The following EPS15 variants were observed in gnomAD, a reference collection of about 807,000 sequenced individuals.
The protein encoded by EPS15 is epidermal growth factor receptor pathway substrate 15, also known as epidermal growth factor receptor substrate 15.
A neutral mutation model predicts 113.8 loss-of-function variants in EPS15; 72 were observed. The ratio of observed to expected loss-of-function variants is 0.63; its 90% confidence interval spans 0.52 to 0.77. EPS15 has a LOEUF of 0.77. Ranked by LOEUF, EPS15 falls within the 30% of genes least tolerant of loss-of-function variation. The pLI, the probability that EPS15 is intolerant of heterozygous loss-of-function variation, is 0.00. For synonymous variants in EPS15, 344 were observed against 363.4 expected (o/e 0.95, Z 0.61); for missense variants, 1,048 against 1,045.8 (o/e 1.00, Z -0.03).
At chr1:51,402,258 A>C (rs970526047) in intron 18 of EPS15, among the ~76,000 whole-genome samples, 177 bp downstream of exon 18, 1 of 151,982 alleles carries the variant, frequency 6.6e-6, no homozygotes, top group African/African-American at 2.4e-5. Flanking sequence ...GAGACAGGAG[A>C]ATCGCTTGAA....
At chr1:51,365,100 G>T (rs926674248) in intron 22 of EPS15, among the ~76,000 whole-genome samples, 1 of 152,128 alleles carries the variant, frequency 6.6e-6, no homozygotes, top group Non-Finnish European at 1.5e-5. Context: ...TCAAAGTGCT[G>T]GGATAACAGG....
chr1:51,435,589 C>G (rs1471063879), intron 12 of EPS15, among the ~76,000 whole-genome samples: 1 of 152,182 alleles, frequency 6.6e-6, no homozygotes, highest in Non-Finnish European at 1.5e-5. Flanking sequence ...CTGCCATAAA[C>G]TTTGCAGGAA....
Position 51,366,043 on chromosome 1 carries a change from A to C in EPS15, c.2120-14T>G. 6.3e-7 allele frequency: 1 copy of C among 1,594,138 alleles called. No individual in the cohort carries two copies. Among genetic ancestry groups the C allele is most frequent in the Non-Finnish European group, 8.6e-7 (1 of 1,165,686 alleles). Reference sequence around the variant, plus strand: ...AGGGGTCTGTGGCTAAAATGAATAAAGAAAATAAATGAAACAGGACAGTAA... The same window carrying C: ...AGGGGTCTGTGGCTAAAATGAATAACGAAAATAAATGAAACAGGACAGTAA... On this transcript the variant is annotated splice_polypyrimidine_tract_variant and intron_variant, in intron 21 of 24. Transcript: ENST00000371733.
intron 1 of EPS15, among the ~76,000 whole-genome samples, chr1:51,517,846 G>T (rs993663588): frequency 2.6e-5 from 4 of 152,160 alleles, no homozygotes; most frequent in African/African-American, 7.2e-5. Context: ...TTTACATGAA[G>T]CATGTACGTG....
intron 1 of EPS15, among the ~76,000 whole-genome samples, chr1:51,510,573 T>C (rs748156977): frequency 6.6e-6 from 1 of 152,220 alleles, no homozygotes; most frequent in Non-Finnish European, 1.5e-5. Flanking sequence ...TCTGTATTGA[T>C]ACTTAGCCCA....
intron 19 of EPS15, 92 bp from the exon 20 acceptor site, chr1:51,399,257 A>C (rs1215569095): frequency 1.6e-6 from 2 of 1,260,446 alleles, no homozygotes; most frequent in Non-Finnish European, 1.1e-6. Flanking sequence ...CCTTAATTAA[A>C]AGACAGTCTG....
intron 1 of EPS15, among the ~76,000 whole-genome samples, chr1:51,499,287 A>G (rs192775135): frequency 6.6e-6 from 1 of 152,340 alleles, no homozygotes; most frequent in Non-Finnish European, 1.5e-5. Flanking sequence ...TCAAGTCTTC[A>G]AGGTTTCTTC....
At chr1:51,379,747 T>C (rs1247432563) in intron 21 of EPS15, among the ~76,000 whole-genome samples, 2 of 151,158 alleles carry the variant, frequency 1.3e-5, no homozygotes, top group African/African-American at 4.9e-5. Context: ...TGAAACCCCA[T>C]CTCTACTAAA....
At chr1:51,475,638 A>G (rs866249551) in intron 2 of EPS15, among the ~76,000 whole-genome samples, 18 of 151,964 alleles carry the variant, frequency 1.2e-4, no homozygotes, top group African/African-American at 4.4e-4. Flanking sequence ...TTGCCTGTTC[A>G]CTCTGATTGT....
At chr1:51,372,816 CT>C in intron 21 of EPS15, 1 of 485,226 alleles carries the variant, frequency 2.1e-6, no homozygotes. Context: ...AGTGGACAGT[CT>C]TTACCAGCTG....
chr1:51,355,537 C>A lies in EPS15; in HGVS notation c.*1163G>T. On this transcript the variant is annotated 3_prime_UTR_variant, in exon 25 of 25. Coordinates refer to ENST00000371733, the MANE Select transcript of EPS15 (RefSeq NM_001981.3). ...ATAATCTGGCAGGTCTCTTCTCTCC[C>A]AATTAAAAAAACAAGAGTTTTTTTG... is the stretch of plus-strand genomic sequence containing the variant. 5.2e-6 allele frequency: 1 copy of A among 191,662 alleles called. No individual in the cohort carries two copies. The highest frequency in any genetic ancestry group is 1.1e-5 in the Non-Finnish European group (1 of 91,910). The allele number at this position is 191,662 out of a possible 1,614,324, so 11.9% of individuals were successfully genotyped here. A position where few individuals can be genotyped will look rare whatever the true frequency, so the allele number is the denominator to read the frequency against.
chr1:51,438,124 A>T (rs931608370), intron 12 of EPS15, among the ~76,000 whole-genome samples: 2 of 152,196 alleles, frequency 1.3e-5, no homozygotes, highest in Non-Finnish European at 2.9e-5. Context: ...ACACTAATGG[A>T]GTTGACAGAT....
intron 21 of EPS15, among the ~76,000 whole-genome samples, chr1:51,387,717 CAAAG>C (rs1427324037): frequency 6.6e-6 from 1 of 152,044 alleles, no homozygotes; most frequent in Non-Finnish European, 1.5e-5. Flanking sequence ...TCAAAAGAGA[CAAAG>C]AAGGCCATTA....
intron 21 of EPS15, among the ~76,000 whole-genome samples, chr1:51,386,269 A>C (rs1557787685): frequency 6.6e-6 from 1 of 152,244 alleles, no homozygotes. Flanking sequence ...GAAACAGATA[A>C]GAGAAAAGTA....
At chr1:51,463,008 C>G (rs183499382) in intron 7 of EPS15, 1 of 151,594 alleles carries the variant, frequency 6.6e-6, no homozygotes, top group African/African-American at 2.4e-5. Context: ...TCCTGAGTAG[C>G]TGGGACCACA....
chr1:51,445,090 C>T (rs753678897), intron 10 of EPS15, 45 bp from the exon 11 acceptor site: 7 of 1,540,040 alleles, frequency 4.5e-6, no homozygotes, highest in Non-Finnish European at 6.2e-6. Flanking sequence ...GCCACAACTG[C>T]AAAAAGTCCA....
chr1:51,470,646 CAAAAAA>C (rs10616476), intron 4 of EPS15, among the ~76,000 whole-genome samples: 2 of 72,992 alleles, frequency 2.7e-5, no homozygotes, highest in South Asian at 5.5e-4. Flanking sequence ...GGCTCTGTCT[CAAAAAA>C]AAAAAAAAAA....
At chr1:51,500,219 C>A (rs555042617) in intron 1 of EPS15, among the ~76,000 whole-genome samples, 1 of 152,304 alleles carries the variant, frequency 6.6e-6, no homozygotes, top group Admixed American at 6.5e-5. Context: ...GTTATTTCTA[C>A]CTTTTGGTCA....
chr1:51,376,707 A>G (rs1219403847), intron 21 of EPS15, among the ~76,000 whole-genome samples: 1 of 152,138 alleles, frequency 6.6e-6, no homozygotes, highest in Non-Finnish European at 1.5e-5. Flanking sequence ...GCTCACTGAC[A>G]ATGCACCTAA....
Sources: gnomAD v4.1 joint callset for allele counts (sites outside exome capture counted in the v4.1 genomes callset) on GRCh38, gnomAD v4.1.1 for gene constraint, MANE v1.5 for transcripts, NCBI Gene and HGNC (gene_info 2026-07-23, HGNC 2026-07-21) for gene names.